Variants in CHSY3 observed in about 807,000 individuals in gnomAD.
CHSY3 encodes the protein chondroitin sulfate synthase 3.
In CHSY3, 35 loss-of-function variants were observed where a neutral mutation model predicts 67.2. The observed-to-expected ratio is 0.52, with a 90% CI of 0.40 to 0.69. CHSY3 has a LOEUF of 0.69. Ranked by LOEUF, CHSY3 falls within the 30% of genes least tolerant of loss-of-function variation. The probability of loss-of-function intolerance (pLI) is 0.00; values close to 1 mark genes in which losing one functional copy is unlikely to be tolerated. For missense variants in CHSY3, 1,069 were observed against 1,138.5 expected (o/e 0.94, Z 0.88); for synonymous variants, 474 against 434.7 (o/e 1.09, Z -1.12).
chr5:130,055,437 TTAA>T (rs1324135897), intron 2 of CHSY3, among the ~76,000 whole-genome samples: 1 of 152,148 alleles, frequency 6.6e-6, no homozygotes, highest in Non-Finnish European at 1.5e-5. Flanking sequence ...CTGGTTTTCA[TTAA>T]TAAGTAGATT....
At chr5:129,961,741 C>T (rs929738957) in intron 2 of CHSY3, among the ~76,000 whole-genome samples, 2 of 151,884 alleles carry the variant, frequency 1.3e-5, no homozygotes, top group African/African-American at 4.8e-5. Flanking sequence ...AACCTTTAAG[C>T]ATTAATTTGT....
At chr5:129,971,924 G>T (rs1762650010) in intron 2 of CHSY3, among the ~76,000 whole-genome samples, 1 of 151,958 alleles carries the variant, frequency 6.6e-6, no homozygotes, top group Non-Finnish European at 1.5e-5. Context: ...CACATGCTTG[G>T]ATTCTACTGG....
At chr5:130,175,702 C>A (rs1312101468) in intron 2 of CHSY3, among the ~76,000 whole-genome samples, 2 of 152,148 alleles carry the variant, frequency 1.3e-5, no homozygotes, top group Non-Finnish European at 2.9e-5. Context: ...AACAATGCCA[C>A]ACATCTACAA....
At chr5:129,955,711 C>G (rs1762151490) in intron 2 of CHSY3, among the ~76,000 whole-genome samples, 1 of 152,102 alleles carries the variant, frequency 6.6e-6, no homozygotes, top group Non-Finnish European at 1.5e-5. Context: ...CTCCAGGAGG[C>G]TCGAGTGTGT....
At chr5:129,973,344 A>T (rs1762700956) in intron 2 of CHSY3, among the ~76,000 whole-genome samples, 1 of 151,930 alleles carries the variant, frequency 6.6e-6, no homozygotes, top group Non-Finnish European at 1.5e-5. Context: ...TAACTTACCC[A>T]CCTCTAACTA....
rs574570830 is a variant in CHSY3, at chr5:130,136,522, C to T, written c.1087-47707C>T. ...GAGAGTGGTCCCATTTCAAAAGCTACTGAAATAGTCCAGGCATGAGCTGAT... is the reference window on the plus strand; with the variant it reads ...GAGAGTGGTCCCATTTCAAAAGCTATTGAAATAGTCCAGGCATGAGCTGAT... On this transcript the variant is annotated intron_variant, in intron 2 of 2. Coordinates refer to ENST00000305031, the MANE Select transcript of CHSY3 (RefSeq NM_175856.5). Among the ~76,000 whole-genome samples, 9 of 151,726 alleles carry T rather than the reference C, an allele frequency of 5.9e-5. No homozygotes were observed. In the South Asian group the frequency reaches 1.7e-3, roughly 28 times the overall value.
chr5:130,121,779 G>A (rs1469467673), intron 2 of CHSY3, among the ~76,000 whole-genome samples: 1 of 152,094 alleles, frequency 6.6e-6, no homozygotes, highest in African/African-American at 2.4e-5. Flanking sequence ...TTGCTTTATT[G>A]AGCCAGGTAT....
chr5:130,017,935 A>G (rs1367966280), intron 2 of CHSY3, among the ~76,000 whole-genome samples: 1 of 152,142 alleles, frequency 6.6e-6, no homozygotes, highest in African/African-American at 2.4e-5. Context: ...CAAGGACCCT[A>G]CTTTTGAGAG....
chr5:130,020,461 A>ATATATTT (rs1371121130), intron 2 of CHSY3, among the ~76,000 whole-genome samples: 2 of 79,930 alleles, frequency 2.5e-5, no homozygotes, highest in African/African-American at 6.1e-5. Context: ...ATATATATAT[A>ATATATTT]TTTTTTTTTT....
intron 2 of CHSY3, among the ~76,000 whole-genome samples, chr5:130,018,453 T>A (rs2149651667): frequency 6.6e-6 from 1 of 152,310 alleles, no homozygotes; most frequent in South Asian, 2.1e-4. Context: ...TCCTAGTAAC[T>A]AAGACAATAA....
chr5:130,158,222 A>T (rs1188058708), intron 2 of CHSY3, among the ~76,000 whole-genome samples: 1 of 152,192 alleles, frequency 6.6e-6, no homozygotes, highest in Non-Finnish European at 1.5e-5. Context: ...GCCTTATTTT[A>T]TCCAGCCCCT....
At chr5:130,133,092 T>C (rs1304421951) in intron 2 of CHSY3, among the ~76,000 whole-genome samples, 3 of 152,214 alleles carry the variant, frequency 2.0e-5, no homozygotes, top group East Asian at 1.9e-4. Flanking sequence ...TGGGTGGGCA[T>C]GCTGGAGAGA....
At chr5:130,174,435 T>C (rs1207256784) in intron 2 of CHSY3, among the ~76,000 whole-genome samples, 1 of 152,118 alleles carries the variant, frequency 6.6e-6, no homozygotes, top group Non-Finnish European at 1.5e-5. Context: ...TTACCCATGA[T>C]AGTATGGCCT....
At chr5:130,138,437 A>T (rs1262010829) in intron 2 of CHSY3, among the ~76,000 whole-genome samples, 1 of 152,208 alleles carries the variant, frequency 6.6e-6, no homozygotes, top group Non-Finnish European at 1.5e-5. Flanking sequence ...GGTGATGGGC[A>T]TGGCTTAGAT....
chr5:129,969,038 T>TA (rs1241873883), intron 2 of CHSY3, among the ~76,000 whole-genome samples: 1 of 151,858 alleles, frequency 6.6e-6, no homozygotes, highest in Non-Finnish European at 1.5e-5. Context: ...GATTAATGGA[T>TA]ATCACATTAT....
intron 2 of CHSY3, among the ~76,000 whole-genome samples, chr5:130,157,078 G>A (rs1157433663): frequency 6.6e-6 from 1 of 152,164 alleles, no homozygotes; most frequent in East Asian, 1.9e-4. Flanking sequence ...CACATGTTGA[G>A]GTTAAGTATC....
chr5:129,905,925 G>A (rs1466932894), intron 1 of CHSY3: 7 of 530,574 alleles, frequency 1.3e-5, no homozygotes, highest in Middle Eastern at 5.2e-4. Context: ...CGTCGGAGAG[G>A]TTAGAAAAGG....
intron 2 of CHSY3, among the ~76,000 whole-genome samples, chr5:129,919,093 G>T (rs1261373076): frequency 1.0e-5 from 1 of 99,004 alleles, no homozygotes; most frequent in Non-Finnish European, 1.8e-5. Flanking sequence ...CGGCCTGGGC[G>T]ACAGAGCGAG....
chr5:130,139,743 C>T (rs1315163396), intron 2 of CHSY3, among the ~76,000 whole-genome samples: 1 of 152,056 alleles, frequency 6.6e-6, no homozygotes, highest in African/African-American at 2.4e-5. Flanking sequence ...AAATTGGAAA[C>T]AAAAGCAAAT....
Sources: gnomAD v4.1 joint callset for allele counts (sites outside exome capture counted in the v4.1 genomes callset) on GRCh38, gnomAD v4.1.1 for gene constraint, MANE v1.5 for transcripts, NCBI Gene and HGNC (gene_info 2026-07-23, HGNC 2026-07-21) for gene names.